JMJD1C: variants seen among roughly 807,000 people sequenced by gnomAD.
The protein encoded by JMJD1C is jumonji domain-containing protein 1C.
JMJD1C carries 31 observed loss-of-function variants against 245.3 expected under a neutral mutation model. That is an observed-to-expected ratio of 0.13 (90% CI 0.09 to 0.17). The LOEUF (loss-of-function observed/expected upper bound fraction) is 0.17. Ranked by LOEUF, JMJD1C falls within the 10% of genes least tolerant of loss-of-function variation. The pLI, the probability that JMJD1C is intolerant of heterozygous loss-of-function variation, is 1.00. For missense variants in JMJD1C, 2,691 were observed against 3,000.2 expected (o/e 0.90, Z 2.41); for synonymous variants, 1,057 against 1,017.4 (o/e 1.04, Z -0.74).
chr10:63,391,065 G>C (rs1309928015), intron 1 of JMJD1C, among the ~76,000 whole-genome samples: 2 of 152,178 alleles, frequency 1.3e-5, no homozygotes, highest in African/African-American at 2.4e-5. Context: ...GTCCCTCTTT[G>C]AGAATAATGT....
intron 1 of JMJD1C, among the ~76,000 whole-genome samples, chr10:63,418,672 G>GC (rs1242751729): frequency 2.0e-5 from 3 of 152,054 alleles, no homozygotes; most frequent in African/African-American, 7.2e-5. Flanking sequence ...AATTTAAAAG[G>GC]CCACCCTACT....
At chr10:63,347,732 G>A (rs954545553) in intron 2 of JMJD1C, among the ~76,000 whole-genome samples, 2 of 152,038 alleles carry the variant, frequency 1.3e-5, no homozygotes, top group African/African-American at 4.8e-5. Flanking sequence ...GGCCAACGTG[G>A]TGAAACGCCC....
intron 25 of JMJD1C, 44 bp downstream of exon 25, chr10:63,168,391 T>C (rs1842045004): frequency 4.5e-6 from 7 of 1,556,400 alleles, no homozygotes; most frequent in Non-Finnish European, 6.1e-6. Flanking sequence ...TATTTCTGAA[T>C]ATAAAAAGCC....
At chr10:63,286,247 A>G (rs1857968196) in intron 2 of JMJD1C, among the ~76,000 whole-genome samples, 1 of 152,200 alleles carries the variant, frequency 6.6e-6, no homozygotes, top group Non-Finnish European at 1.5e-5. Context: ...CAATTTCAGA[A>G]TTTTCAAGAT....
In JMJD1C at chr10:63,213,749, G is replaced by C. The variant is rs910216672; in HGVS notation, c.2418C>G (p.Ala806=). The stretch of plus-strand genomic sequence containing the variant: ...GTCGTGGGTGGCCACCAAGTAAGGA[G>C]GCAGTAGGCACTCCAGGTAACACAG... ...LPTVLPGVPT[A]SLLGGHPRLE... Residue 806 remains alanine (A), a synonymous_variant, in exon 8 of 26, where the codon GCC becomes GCG. Coordinates refer to ENST00000399262, the MANE Select transcript of JMJD1C (RefSeq NM_032776.3). The C allele has an allele frequency of 1.9e-6, 3 of 1,614,164 alleles. No homozygotes were observed. The African/African-American group carries it at 4.0e-5, about 22-fold the overall frequency.
intron 24 of JMJD1C, among the ~76,000 whole-genome samples, chr10:63,168,852 C>T (rs1842083042): frequency 6.6e-6 from 1 of 152,102 alleles, no homozygotes; most frequent in Non-Finnish European, 1.5e-5. Flanking sequence ...ATTAAATTAT[C>T]AATTTTGCCA....
rs1944489284 is a variant in JMJD1C at position 63,352,944 on chromosome 10, TC to T, written c.333+27373del. Among the ~76,000 whole-genome samples, 3 of 152,188 alleles carry T rather than the reference TC, an allele frequency of 2.0e-5. No individual in the cohort carries two copies. The South Asian group carries it at 6.2e-4, about 32-fold the overall frequency. ...GTGGTCCTAGAATGCTATTCGGAGT[TC>T]CACTAATGGAGGAATGGTATTGTTC... On this transcript the variant is annotated intron_variant, in intron 2 of 25. Transcript: ENST00000399262.
intron 3 of JMJD1C, among the ~76,000 whole-genome samples, chr10:63,262,848 T>C (rs527420717): frequency 6.6e-6 from 1 of 152,196 alleles, no homozygotes; most frequent in South Asian, 2.1e-4. Flanking sequence ...CCCAGCATAT[T>C]CTTTCAATCA....
intron 2 of JMJD1C, among the ~76,000 whole-genome samples, chr10:63,305,459 C>CCTCTCT (rs371564275): frequency 0.14 from 15,629 of 112,772 alleles, 2,013 homozygotes; most frequent in Non-Finnish European, 0.21. Context: ...ACGCTCTGAC[C>CCTCTCT]CTCTCTCTCT....
At chr10:63,203,362 G>A in intron 10 of JMJD1C, 1 of 984,254 alleles carries the variant, frequency 1.0e-6, no homozygotes. Flanking sequence ...TTCATTTATA[G>A]TAAGAACCTT....
intron 25 of JMJD1C, 146 bp downstream of exon 25, chr10:63,168,289 A>C (rs1842030464): frequency 1.0e-6 from 1 of 984,100 alleles, no homozygotes. Flanking sequence ...ACTATAAATC[A>C]TACAATTAAA....
intron 1 of JMJD1C, among the ~76,000 whole-genome samples, chr10:63,405,049 A>G (rs1949087175): frequency 6.6e-6 from 1 of 152,226 alleles, no homozygotes; most frequent in Non-Finnish European, 1.5e-5. Flanking sequence ...GAGTGCAAGG[A>G]TAAATATGTG....
chr10:63,170,662 C>A (rs1169069955), intron 24 of JMJD1C, among the ~76,000 whole-genome samples: 1 of 152,174 alleles, frequency 6.6e-6, no homozygotes, highest in African/African-American at 2.4e-5. Context: ...TCAGTCTTTG[C>A]CAGCTTATGG....
chr10:63,402,188 A>G (rs1197739735), intron 1 of JMJD1C, among the ~76,000 whole-genome samples: 1 of 152,110 alleles, frequency 6.6e-6, no homozygotes, highest in Non-Finnish European at 1.5e-5. Flanking sequence ...TTCAAAAGCA[A>G]ACATACAAAG....
chr10:63,480,441 G>A (rs1029472920), intron 1 of JMJD1C, among the ~76,000 whole-genome samples: 3 of 151,146 alleles, frequency 2.0e-5, no homozygotes, highest in Non-Finnish European at 4.4e-5. Flanking sequence ...CACTGGCCTC[G>A]CAAAGCACTG....
intron 1 of JMJD1C, among the ~76,000 whole-genome samples, chr10:63,426,676 T>C (rs1177344940): frequency 6.6e-6 from 1 of 151,784 alleles, no homozygotes; most frequent in African/African-American, 2.4e-5. Context: ...AAAAAGACAA[T>C]GGAATCATCC....
chr10:63,322,378 T>A (rs956468217), intron 2 of JMJD1C, among the ~76,000 whole-genome samples: 4 of 152,094 alleles, frequency 2.6e-5, no homozygotes. Flanking sequence ...CAACCTGCAG[T>A]ATATTATGAG....
intron 3 of JMJD1C, among the ~76,000 whole-genome samples, chr10:63,255,578 G>C (rs554818034): frequency 6.6e-6 from 1 of 152,254 alleles, no homozygotes; most frequent in Admixed American, 6.5e-5. Context: ...GATGTACCAT[G>C]ACATTGCCTG....
intron 1 of JMJD1C, among the ~76,000 whole-genome samples, chr10:63,508,220 T>C (rs1253122220): frequency 6.6e-6 from 1 of 152,234 alleles, no homozygotes; most frequent in Non-Finnish European, 1.5e-5. Flanking sequence ...ATTCCAACAT[T>C]ATTTTTTGAA....
Sources: gnomAD v4.1 joint callset for allele counts (sites outside exome capture counted in the v4.1 genomes callset) on GRCh38, gnomAD v4.1.1 for gene constraint, MANE v1.5 for transcripts, NCBI Gene and HGNC (gene_info 2026-07-23, HGNC 2026-07-21) for gene names.